ARHGAP26: variants seen among roughly 807,000 people sequenced by gnomAD.
ARHGAP26 encodes the protein rho GTPase-activating protein 26.
A neutral mutation model predicts 104.8 loss-of-function variants in ARHGAP26; 38 were observed. The observed-to-expected ratio is 0.36, with a 90% CI of 0.28 to 0.48. The LOEUF (loss-of-function observed/expected upper bound fraction) is 0.48. Ranked by LOEUF, ARHGAP26 falls within the 20% of genes least tolerant of loss-of-function variation. The pLI is 0.99. For missense variants in ARHGAP26, 704 were observed against 947.9 expected (o/e 0.74, Z 3.38); for synonymous variants, 341 against 340.0 (o/e 1.00, Z -0.03).
intron 11 of ARHGAP26, among the ~76,000 whole-genome samples, chr5:142,953,059 A>G (rs1408141195): frequency 6.6e-6 from 1 of 152,094 alleles, no homozygotes; most frequent in Non-Finnish European, 1.5e-5. Context: ...TGTCATGGAG[A>G]GGATATAACT....
intron 11 of ARHGAP26, among the ~76,000 whole-genome samples, chr5:142,995,960 A>G (rs1014205664): frequency 6.6e-6 from 1 of 152,096 alleles, no homozygotes; most frequent in Non-Finnish European, 1.5e-5. Context: ...GTGTTCTCAC[A>G]ACTCCCACTC....
At chr5:142,922,108 A>T (rs1219586350) in intron 10 of ARHGAP26, 1 of 152,214 alleles carries the variant, frequency 6.6e-6, no homozygotes, top group Non-Finnish European at 1.5e-5. Flanking sequence ...TTGTTGATAC[A>T]TGCTTCAAAT....
intron 17 of ARHGAP26, among the ~76,000 whole-genome samples, chr5:143,095,253 G>C (rs1472924408): frequency 6.6e-6 from 1 of 151,724 alleles, no homozygotes; most frequent in Non-Finnish European, 1.5e-5. Flanking sequence ...CCATTTTAAA[G>C]TATACAATTC....
chr5:143,054,618 C>T (rs1044587525), intron 15 of ARHGAP26, 92 bp downstream of exon 15: 24 of 894,286 alleles, frequency 2.7e-5, no homozygotes, highest in Admixed American at 4.5e-5. Flanking sequence ...GGAGAGCTGT[C>T]GGGTGGGTGT....
At chr5:142,873,556 C>A in intron 2 of ARHGAP26, 61 bp downstream of exon 2, 1 of 1,184,250 alleles carries the variant, frequency 8.4e-7, no homozygotes, top group Non-Finnish European at 1.2e-6. Flanking sequence ...TTCAGTGTCC[C>A]AGCAGAGCCT....
At chr5:143,006,427 G>A (rs1337686305) in intron 11 of ARHGAP26, among the ~76,000 whole-genome samples, 1 of 146,998 alleles carries the variant, frequency 6.8e-6, no homozygotes, top group Admixed American at 7.0e-5. Flanking sequence ...CCCCCTTTAT[G>A]TATAATTCTA....
chr5:143,142,207 T>C (rs1031353090), intron 19 of ARHGAP26, among the ~76,000 whole-genome samples: 1 of 145,604 alleles, frequency 6.9e-6, no homozygotes, highest in Non-Finnish European at 1.5e-5. Flanking sequence ...GGCACGATCT[T>C]GGCTCACTGC....
intron 20 of ARHGAP26, among the ~76,000 whole-genome samples, chr5:143,167,404 C>A (rs1281443191): frequency 7.3e-6 from 1 of 137,912 alleles, no homozygotes; most frequent in Non-Finnish European, 1.5e-5. Flanking sequence ...ATCACTTGAA[C>A]CCGGGGGGGA....
chr5:142,951,730 G>A (rs374629155), intron 11 of ARHGAP26, among the ~76,000 whole-genome samples: 1 of 152,176 alleles, frequency 6.6e-6, no homozygotes, highest in Non-Finnish European at 1.5e-5. Flanking sequence ...GAGTCCCCAG[G>A]CTGCTGTGGC....
chr5:142,794,601 C>T (rs1034589791), intron 1 of ARHGAP26, among the ~76,000 whole-genome samples: 4 of 152,112 alleles, frequency 2.6e-5, no homozygotes, highest in African/African-American at 9.7e-5. Flanking sequence ...TAGTATTAGG[C>T]ACCACCAGGA....
At chr5:142,918,657 TG>T (rs1258119291) in intron 10 of ARHGAP26, among the ~76,000 whole-genome samples, 3 of 151,966 alleles carry the variant, frequency 2.0e-5, no homozygotes, top group African/African-American at 4.8e-5. Context: ...AACTAGTTTT[TG>T]GGGTGGGGGG....
chr5:143,018,323 A>G (rs1779866724), intron 12 of ARHGAP26, among the ~76,000 whole-genome samples: 1 of 152,244 alleles, frequency 6.6e-6, no homozygotes, highest in Non-Finnish European at 1.5e-5. Flanking sequence ...TTCTTTGACT[A>G]TAAATCCTTC....
At chr5:143,144,714 C>A (rs191988830) in intron 19 of ARHGAP26, among the ~76,000 whole-genome samples, 1 of 152,302 alleles carries the variant, frequency 6.6e-6, no homozygotes, top group African/African-American at 2.4e-5. Context: ...GGCTCATTTT[C>A]TCCTTATTTC....
intron 12 of ARHGAP26, among the ~76,000 whole-genome samples, chr5:143,018,615 T>C (rs1462322301): frequency 6.6e-6 from 1 of 152,226 alleles, no homozygotes; most frequent in East Asian, 1.9e-4. Flanking sequence ...CCTCGATTGA[T>C]TTGTAGTGCC....
At chr5:143,098,339 G>A (rs1025744438) in intron 17 of ARHGAP26, among the ~76,000 whole-genome samples, 1 of 152,080 alleles carries the variant, frequency 6.6e-6, no homozygotes, top group African/African-American at 2.4e-5. Flanking sequence ...AATAACGTAG[G>A]TGATTTTTTT....
At chr5:143,077,537 C>T (rs1269423511) in intron 17 of ARHGAP26, among the ~76,000 whole-genome samples, 1 of 152,114 alleles carries the variant, frequency 6.6e-6, no homozygotes, top group Non-Finnish European at 1.5e-5. Flanking sequence ...AAGGGCTCTA[C>T]CACCTCAGAA....
intron 1 of ARHGAP26, among the ~76,000 whole-genome samples, chr5:142,773,167 T>C (rs1233301395): frequency 6.6e-6 from 1 of 152,206 alleles, no homozygotes; most frequent in East Asian, 1.9e-4. Context: ...TGCTGCGTGG[T>C]ATACTACTAT....
chr5:143,135,117 T>C (rs371511677), intron 19 of ARHGAP26, among the ~76,000 whole-genome samples: 5 of 152,338 alleles, frequency 3.3e-5, no homozygotes, highest in African/African-American at 7.2e-5. Flanking sequence ...ATTAGAGATA[T>C]ACACATTGAG....
At chr5:143,196,968 C>G (rs1021264683) in intron 20 of ARHGAP26, among the ~76,000 whole-genome samples, 5 of 152,194 alleles carry the variant, frequency 3.3e-5, no homozygotes, top group African/African-American at 9.7e-5. Context: ...TGAGGATAGA[C>G]TGTATATATC....
Sources: gnomAD v4.1 joint callset for allele counts (sites outside exome capture counted in the v4.1 genomes callset) on GRCh38, gnomAD v4.1.1 for gene constraint, MANE v1.5 for transcripts, NCBI Gene and HGNC (gene_info 2026-07-23, HGNC 2026-07-21) for gene names.